Variants in MBOAT2 observed in about 807,000 individuals in gnomAD.
MBOAT2 encodes membrane bound glycerophospholipid O-acyltransferase 2.
MBOAT2 carries 28 observed loss-of-function variants against 63.4 expected under a neutral mutation model. That is an observed-to-expected ratio of 0.44 (90% CI 0.33 to 0.61). The LOEUF (loss-of-function observed/expected upper bound fraction) is 0.61. Among genes scored for constraint, MBOAT2 ranks in the 20% least tolerant of loss-of-function variants. MBOAT2 has a pLI of 0.03. For synonymous variants in MBOAT2, 211 were observed against 215.6 expected, an observed-to-expected ratio of 0.98 and a Z score of 0.19; for missense variants, 470 against 605.8, an observed-to-expected ratio of 0.78 and a Z score of 2.35.
At chr2:8,939,975 T>C (rs535283968) in intron 3 of MBOAT2, among the ~76,000 whole-genome samples, 2 of 152,086 alleles carry the variant, frequency 1.3e-5, no homozygotes, top group Non-Finnish European at 2.9e-5. Flanking sequence ...CAAATGAAAT[T>C]AGATTACTTA....
intron 1 of MBOAT2, among the ~76,000 whole-genome samples, chr2:8,995,766 T>C (rs534425751): frequency 5.1e-4 from 78 of 152,210 alleles, no homozygotes; most frequent in African/African-American, 1.9e-3. Context: ...TAATTTTTTG[T>C]AGTTTTAGTA....
intron 3 of MBOAT2, among the ~76,000 whole-genome samples, chr2:8,934,758 T>C (rs1364092477): frequency 6.6e-6 from 1 of 152,158 alleles, no homozygotes; most frequent in East Asian, 1.9e-4. Context: ...TTTTATTCTC[T>C]CTTGTGGGAT....
rs1260594525 is a variant in MBOAT2, at chr2:9,003,307, G to A, written c.75+233C>T. On this transcript the variant is annotated intron_variant, in intron 1 of 12. Coordinates refer to ENST00000305997, the MANE Select transcript of MBOAT2 (RefSeq NM_138799.4). This position sits in a 1 kb window ranked among gnomAD's most constrained non-coding sequence, Gnocchi z 5.4. Reference sequence around the variant, plus strand: ...GGGGCTGTCGCCGGCAACAACGCCCGGCCCACCTCCCGCTCGGCCCGGGGA... The same window carrying A: ...GGGGCTGTCGCCGGCAACAACGCCCAGCCCACCTCCCGCTCGGCCCGGGGA... Among the ~76,000 whole-genome samples, 1 of 152,082 alleles carries A rather than the reference G, an allele frequency of 6.6e-6. No individual in the cohort carries two copies. The highest frequency in any genetic ancestry group is 6.5e-5 in the Admixed American group (1 of 15,280).
At chr2:8,948,048 G>T (rs972810821) in intron 2 of MBOAT2, among the ~76,000 whole-genome samples, 2 of 152,148 alleles carry the variant, frequency 1.3e-5, no homozygotes, top group Non-Finnish European at 1.5e-5. Flanking sequence ...ATGGAAGGAG[G>T]TCAAAATATA....
rs1395683538 is a variant in MBOAT2 at position 8,988,023 on chromosome 2, T to C, written c.75+15517A>G. Reference sequence around the variant, plus strand: ...ACATTACTGAAAACACAAATGAAATTAGAAATGCAAAAATGTTAAACATAT... The same window carrying C: ...ACATTACTGAAAACACAAATGAAATCAGAAATGCAAAAATGTTAAACATAT... On this transcript the variant is annotated intron_variant, in intron 1 of 12. Transcript: ENST00000305997. 2.6e-5 allele frequency among the ~76,000 whole-genome samples: 4 copies of C among 152,182 alleles called. No homozygotes were observed. In the South Asian group the frequency reaches 6.2e-4, roughly 24 times the overall value.
chr2:8,865,436 G>T lies in MBOAT2; in HGVS notation c.988-1202C>A, dbSNP rs77586544. Among the ~76,000 whole-genome samples, 828 of 152,214 alleles carry T rather than the reference G, an allele frequency of 5.4e-3. 5 individuals are homozygous for T. Among genetic ancestry groups the T allele is most frequent in the Non-Finnish European group, 9.1e-3 (619 of 68,012 alleles). On this transcript the variant is annotated intron_variant, in intron 9 of 12. Coordinates refer to ENST00000305997, the MANE Select transcript of MBOAT2 (RefSeq NM_138799.4). ...CCTCCTTCCTGTCTTTATAACAGGA[G>T]AAGTGGTCCTTCTCCTTTAGGGCCA...
chr2:8,949,804 T>C (rs1668689245), intron 2 of MBOAT2, among the ~76,000 whole-genome samples: 1 of 152,252 alleles, frequency 6.6e-6, no homozygotes, highest in Non-Finnish European at 1.5e-5. Flanking sequence ...TTGCTTAAGA[T>C]TGCTTTGGCT....
chr2:8,976,830 A>C (rs758401092), intron 1 of MBOAT2, among the ~76,000 whole-genome samples: 12 of 152,180 alleles, frequency 7.9e-5, no homozygotes, highest in Non-Finnish European at 1.6e-4. Flanking sequence ...TAGTCATACA[A>C]TAGGATATTA....
intron 2 of MBOAT2, among the ~76,000 whole-genome samples, chr2:8,957,726 G>A (rs1296839244): frequency 6.6e-6 from 1 of 152,186 alleles, no homozygotes; most frequent in African/African-American, 2.4e-5. Context: ...GAACACTACA[G>A]CAGATGAGCA....
At chr2:8,923,753 G>A (rs1291257763) in intron 3 of MBOAT2, among the ~76,000 whole-genome samples, 2 of 152,100 alleles carry the variant, frequency 1.3e-5, no homozygotes, top group African/African-American at 4.8e-5. Flanking sequence ...TGATCTAAAA[G>A]TCAGCAGTTT....
At chr2:8,974,479 C>T (rs1347005073) in intron 1 of MBOAT2, 3 of 455,048 alleles carry the variant, frequency 6.6e-6, no homozygotes, top group Admixed American at 4.7e-5. Flanking sequence ...GATTAAAGAA[C>T]CCAGGCCTTG....
At chr2:8,961,036 T>C (rs887937044) in intron 1 of MBOAT2, among the ~76,000 whole-genome samples, 3 of 152,172 alleles carry the variant, frequency 2.0e-5, no homozygotes, top group Admixed American at 6.5e-5. Flanking sequence ...TTTGAGCCCA[T>C]AGTGATGACA....
intron 1 of MBOAT2, among the ~76,000 whole-genome samples, chr2:8,973,615 G>A (rs1418026548): frequency 6.8e-6 from 1 of 147,620 alleles, no homozygotes; most frequent in African/African-American, 2.5e-5. Context: ...TAATCTATCG[G>A]AAGCTCCCAC....
intron 2 of MBOAT2, among the ~76,000 whole-genome samples, chr2:8,950,405 A>G (rs889980630): frequency 6.6e-6 from 1 of 152,058 alleles, no homozygotes; most frequent in Non-Finnish European, 1.5e-5. Context: ...CCTGTTCTCA[A>G]GGAAATGCTT....
chr2:8,973,457 A>G (rs1053038591), intron 1 of MBOAT2, among the ~76,000 whole-genome samples: 1 of 151,950 alleles, frequency 6.6e-6, no homozygotes, highest in African/African-American at 2.4e-5. Flanking sequence ...GACATGGCAC[A>G]TGTATACATA....
At chr2:8,954,888 C>A (rs1395593624) in intron 2 of MBOAT2, among the ~76,000 whole-genome samples, 1 of 152,182 alleles carries the variant, frequency 6.6e-6, no homozygotes, top group African/African-American at 2.4e-5. Flanking sequence ...GCGGCCCTGT[C>A]ATACCACAGT....
At chr2:8,951,727 T>A (rs2103259885) in intron 2 of MBOAT2, among the ~76,000 whole-genome samples, 1 of 152,366 alleles carries the variant, frequency 6.6e-6, no homozygotes, top group East Asian at 1.9e-4. Context: ...CAGAGATGTT[T>A]ATAATAGTCT....
chr2:8,971,334 T>G (rs1028340810), intron 1 of MBOAT2, among the ~76,000 whole-genome samples: 4 of 152,112 alleles, frequency 2.6e-5, no homozygotes, highest in African/African-American at 9.7e-5. Flanking sequence ...TGCTAAAAAC[T>G]CTCAATAAAT....
intron 4 of MBOAT2, among the ~76,000 whole-genome samples, chr2:8,892,980 T>C (rs1041716660): frequency 1.3e-5 from 2 of 151,176 alleles, no homozygotes; most frequent in African/African-American, 4.9e-5. Context: ...TGGAGGATTT[T>C]AGGCAAAAGA....
Sources: allele counts gnomAD v4.1 joint callset (sites outside exome capture counted in the v4.1 genomes callset), GRCh38; gene constraint gnomAD v4.1.1; non-coding constraint Gnocchi (gnomAD v3.1); transcripts MANE v1.5; gene names NCBI Gene and HGNC (gene_info 2026-07-23, HGNC 2026-07-21).